USP33: variants seen among roughly 807,000 people sequenced by gnomAD.
USP33 encodes the protein ubiquitin carboxyl-terminal hydrolase 33.
USP33 carries 46 observed loss-of-function variants against 124.2 expected under a neutral mutation model. The ratio of observed to expected loss-of-function variants is 0.37; its 90% CI spans 0.29 to 0.47. The LOEUF (loss-of-function observed/expected upper bound fraction) is 0.47. USP33 is among the 20% of genes least tolerant of loss of function. USP33 has a pLI of 0.99. For missense variants in USP33, 851 were observed against 1,070.6 expected, an observed-to-expected ratio of 0.79 and a Z score of 2.86; for synonymous variants, 350 against 352.3, an observed-to-expected ratio of 0.99 and a Z score of 0.07.
At chr1:77,706,504 C>G (rs1485312451) in intron 21 of USP33, among the ~76,000 whole-genome samples, 2 of 152,144 alleles carry the variant, frequency 1.3e-5, no homozygotes, top group Non-Finnish European at 2.9e-5. Context: ...CCTTCCTAAC[C>G]CAGTGTTTTA....
intron 1 of USP33, among the ~76,000 whole-genome samples, chr1:77,757,962 T>A (rs559103959): frequency 6.6e-6 from 1 of 152,260 alleles, no homozygotes; most frequent in East Asian, 1.9e-4. Flanking sequence ...TTCAAATATT[T>A]AAAATCACCT....
At chr1:77,742,107 T>G (rs1026679697) in intron 1 of USP33, among the ~76,000 whole-genome samples, 5 of 152,008 alleles carry the variant, frequency 3.3e-5, no homozygotes, top group Non-Finnish European at 5.9e-5. Flanking sequence ...TGAAGCACTT[T>G]TATCCTTTTA....
intron 1 of USP33, among the ~76,000 whole-genome samples, chr1:77,751,804 T>C (rs1680364005): frequency 6.6e-6 from 1 of 151,354 alleles, no homozygotes; most frequent in African/African-American, 2.4e-5. Flanking sequence ...TTCTCCTGCC[T>C]CAGCCTCCTG....
intron 18 of USP33, among the ~76,000 whole-genome samples, chr1:77,715,533 T>C (rs997118901): frequency 2.0e-5 from 3 of 152,248 alleles, no homozygotes; most frequent in South Asian, 2.1e-4. Flanking sequence ...AAACAAAATA[T>C]ATCCCTTTGC....
At chr1:77,755,994 T>C (rs7535781) in intron 1 of USP33, among the ~76,000 whole-genome samples, 64,108 of 152,138 alleles carry the variant, frequency 0.42, 15,684 homozygotes, top group African/African-American at 0.68. Context: ...CTATGCAATT[T>C]TTTCACTTTC....
chr1:77,699,664 C>G (rs993587529), intron 22 of USP33, among the ~76,000 whole-genome samples: 13 of 152,170 alleles, frequency 8.5e-5, no homozygotes, highest in Non-Finnish European at 1.6e-4. Flanking sequence ...ACCAGAAATA[C>G]CATTTGACCC....
chr1:77,727,784 A>G (rs1677328192), intron 10 of USP33, among the ~76,000 whole-genome samples: 1 of 152,196 alleles, frequency 6.6e-6, no homozygotes, highest in Admixed American at 6.5e-5. Flanking sequence ...TTACAAAGCA[A>G]TTCAACTTTC....
chr1:77,705,221 A>G (rs1273366237), intron 21 of USP33, among the ~76,000 whole-genome samples: 7 of 151,118 alleles, frequency 4.6e-5, no homozygotes, highest in Non-Finnish European at 1.0e-4. Flanking sequence ...TTGAGACAGA[A>G]TCTCACTCTT....
chr1:77,744,635 GGAGTTAGAGACCAGCCT>G (rs1679531382), intron 1 of USP33, among the ~76,000 whole-genome samples: 1 of 152,194 alleles, frequency 6.6e-6, no homozygotes. Context: ...CTTGAGCTCA[GGAGTTAGAGACCAGCCT>G]GAGCAACATA....
At chr1:77,706,320 T>C (rs1674623699) in intron 21 of USP33, among the ~76,000 whole-genome samples, 1 of 152,218 alleles carries the variant, frequency 6.6e-6, no homozygotes, top group East Asian at 1.9e-4. Flanking sequence ...TTTTATGTGC[T>C]TATTAGACCT....
At chr1:77,701,218 T>C in intron 22 of USP33, 151 bp downstream of exon 22, 2 of 551,644 alleles carry the variant, frequency 3.6e-6, no homozygotes, top group South Asian at 6.1e-5. Context: ...ACCAACAGAA[T>C]ATAAACTAGA....
At chr1:77,752,827 C>T (rs535052184) in intron 1 of USP33, among the ~76,000 whole-genome samples, 1 of 152,012 alleles carries the variant, frequency 6.6e-6, no homozygotes, top group African/African-American at 2.4e-5. Context: ...CCTGTAATCC[C>T]AGCACTTTGC....
intron 5 of USP33, among the ~76,000 whole-genome samples, chr1:77,738,984 A>C (rs181088951): frequency 1.3e-5 from 2 of 152,250 alleles, no homozygotes; most frequent in Admixed American, 1.3e-4. Context: ...CCAGAAAAAG[A>C]TAAAGACTAC....
At chr1:77,736,281 A>G (rs754340830) in intron 5 of USP33, 123 bp from the exon 6 acceptor site, 31 of 561,404 alleles carry the variant, frequency 5.5e-5, no homozygotes, top group Non-Finnish European at 7.5e-5. Context: ...TAGTGGAACC[A>G]TAAGAATTTG....
Position 77,750,667 on chromosome 1 carries a change from A to AGAAAGAAAGAAAG in USP33, c.-51-8932_-51-8920dup, listed in dbSNP as rs1553201908. On this transcript the variant is annotated intron_variant, in intron 1 of 23. Transcript: ENST00000370794. ...AAGAAAGAAAGAAAGAAAGAAAGAAAGAAAGAAAGAAAGAAAGAAAAAGGA... is the reference window on the plus strand; with the variant it reads ...AAGAAAGAAAGAAAGAAAGAAAGAAAGAAAGAAAGAAAGGAAAGAAAGAAAGAAAGAAAAAGGA... Among the ~76,000 whole-genome samples, 316 of 150,874 alleles carry AGAAAGAAAGAAAG rather than the reference A, an allele frequency of 2.1e-3. 6 individuals carry two copies. Among genetic ancestry groups the AGAAAGAAAGAAAG allele is most frequent in the African/African-American group, 7.3e-3 (294 of 40,508 alleles).
At chr1:77,723,058 G>A (rs1434642282) in intron 12 of USP33, among the ~76,000 whole-genome samples, 1 of 152,152 alleles carries the variant, frequency 6.6e-6, no homozygotes, top group African/African-American at 2.4e-5. Flanking sequence ...TCTTGTTGCT[G>A]AGCAACTTCT....
chr1:77,747,537 C>T (rs1459184908), intron 1 of USP33, among the ~76,000 whole-genome samples: 1 of 152,140 alleles, frequency 6.6e-6, no homozygotes, highest in African/African-American at 2.4e-5. Flanking sequence ...GGATTATAAG[C>T]ATGAGCCACT....
At chr1:77,702,230 T>C (rs1414458446) in intron 21 of USP33, among the ~76,000 whole-genome samples, 1 of 141,662 alleles carries the variant, frequency 7.1e-6, no homozygotes, top group African/African-American at 2.6e-5. Context: ...CGTGGTAGCA[T>C]CTATGAATAA....
At chr1:77,750,435 C>A (rs1680192237) in intron 1 of USP33, among the ~76,000 whole-genome samples, 1 of 152,052 alleles carries the variant, frequency 6.6e-6, no homozygotes, top group Admixed American at 6.6e-5. Context: ...GAGTTCAAGA[C>A]CAGCCTGGGC....
Sources: allele counts gnomAD v4.1 joint callset (sites outside exome capture counted in the v4.1 genomes callset), GRCh38; gene constraint gnomAD v4.1.1; transcripts MANE v1.5; gene names NCBI Gene and HGNC (gene_info 2026-07-23, HGNC 2026-07-21).